Variants in BACH2 observed in about 807,000 individuals in gnomAD.
BACH2 encodes BACH transcriptional regulator 2.
Under a neutral mutation model 61.8 loss-of-function variants are expected in BACH2, and 5 were observed. The ratio of observed to expected loss-of-function variants is 0.08; its 90% CI spans 0.04 to 0.17. The LOEUF is 0.17. Among genes scored for constraint, BACH2 ranks in the 10% least tolerant of loss-of-function variants. The pLI is 1.00. For missense variants in BACH2, 824 were observed against 1,091.1 expected (o/e 0.76, Z 3.45); for synonymous variants, 446 against 440.1 (o/e 1.01, Z -0.17).
At chr6:90,121,550 A>T (rs207277) in intron 4 of BACH2, among the ~76,000 whole-genome samples, 80,492 of 152,020 alleles carry the variant, frequency 0.53, 21,955 homozygotes, top group African/African-American at 0.61. Context: ...TTAATTAATT[A>T]ATTTATTTTG....
intron 5 of BACH2, among the ~76,000 whole-genome samples, chr6:90,013,436 T>C (rs1048084721): frequency 6.6e-6 from 1 of 152,056 alleles, no homozygotes; most frequent in African/African-American, 2.4e-5. Flanking sequence ...GAAGTTTTAT[T>C]TCTTTCTCTC....
intron 1 of BACH2, among the ~76,000 whole-genome samples, chr6:90,286,767 T>C (rs1270044865): frequency 6.6e-6 from 1 of 152,058 alleles, no homozygotes; most frequent in African/African-American, 2.4e-5. Flanking sequence ...TGGCATAAAG[T>C]ATTGTTAGAA....
chr6:90,077,558 T>C (rs1005247522), intron 5 of BACH2, among the ~76,000 whole-genome samples: 21 of 152,092 alleles, frequency 1.4e-4, no homozygotes, highest in Admixed American at 1.0e-3. Context: ...AAAAATCTGA[T>C]GAGAATACTA....
chr6:90,286,229 G>C (rs1351722707), intron 1 of BACH2, among the ~76,000 whole-genome samples: 1 of 152,158 alleles, frequency 6.6e-6, no homozygotes, highest in Non-Finnish European at 1.5e-5. Flanking sequence ...CTGTTTTTCA[G>C]AGGGGACTTA....
At chr6:90,014,724 T>C (rs1479931670) in intron 5 of BACH2, among the ~76,000 whole-genome samples, 2 of 151,486 alleles carry the variant, frequency 1.3e-5, no homozygotes, top group Non-Finnish European at 2.9e-5. Flanking sequence ...CCACCCGCCT[T>C]GGCCTCGCAA....
At chr6:90,173,578 C>A (rs1767889187) in intron 4 of BACH2, among the ~76,000 whole-genome samples, 1 of 152,082 alleles carries the variant, frequency 6.6e-6, no homozygotes, top group African/African-American at 2.4e-5. Flanking sequence ...ACACAAAAGT[C>A]TACTTACTGT....
chr6:90,235,726 TGATG>T (rs1770239475), intron 3 of BACH2, among the ~76,000 whole-genome samples: 1 of 152,246 alleles, frequency 6.6e-6, no homozygotes. Flanking sequence ...TAATCCAGCT[TGATG>T]GACAATCCCT....
At chr6:90,296,141 A>G (rs1772367943) in intron 1 of BACH2, among the ~76,000 whole-genome samples, 1 of 151,862 alleles carries the variant, frequency 6.6e-6, no homozygotes, top group Non-Finnish European at 1.5e-5. Flanking sequence ...CCCATGCCTG[A>G]CTTATTACTC....
chr6:90,227,606 T>C (rs966142626), intron 3 of BACH2, among the ~76,000 whole-genome samples: 4 of 152,290 alleles, frequency 2.6e-5, no homozygotes, highest in South Asian at 2.1e-4. Flanking sequence ...AGCAGCAAGA[T>C]GTAGACAGAC....
chr6:90,001,043 C>T (rs116528744), intron 6 of BACH2, among the ~76,000 whole-genome samples: 221 of 152,296 alleles, frequency 1.5e-3, no homozygotes, highest in African/African-American at 4.9e-3. Flanking sequence ...GTGACATAGG[C>T]TAGGATCTCA....
intron 5 of BACH2, among the ~76,000 whole-genome samples, chr6:90,034,417 C>G (rs951517612): frequency 7.9e-5 from 12 of 152,224 alleles, no homozygotes; most frequent in African/African-American, 2.6e-4. Context: ...TTAATGAACT[C>G]AGCACACTGT....
At chr6:90,295,757 A>G (rs1226696152) in intron 1 of BACH2, among the ~76,000 whole-genome samples, 1 of 152,054 alleles carries the variant, frequency 6.6e-6, no homozygotes, top group Non-Finnish European at 1.5e-5. Context: ...TGGCGCCCTT[A>G]GGTCTTAGCT....
At position 89,930,012 on chromosome 6, in the gene BACH2, C is replaced by T. The variant is rs948313638; in HGVS notation, c.*2396G>A. 1.3e-5 allele frequency: 2 copies of T among 152,152 alleles called. No homozygotes were observed. The highest frequency in any genetic ancestry group is 4.8e-5 in the African/African-American group (2 of 41,414). 9.4% of individuals were successfully genotyped at this position (152,152 alleles called of 1,614,324 possible). On this transcript the variant is annotated 3_prime_UTR_variant, in exon 9 of 9. Transcript: ENST00000257749. ...GTCACCAGTTTTCCACAAAGGCAAA[C>T]CTCATGGTGAAGCACAGAACTGTCC...
At chr6:90,185,123 G>C (rs889591279) in intron 4 of BACH2, among the ~76,000 whole-genome samples, 1 of 152,204 alleles carries the variant, frequency 6.6e-6, no homozygotes, top group African/African-American at 2.4e-5. Context: ...TGTATGCATA[G>C]AGCCTGATAA....
At chr6:90,287,537 T>C (rs529392175) in intron 1 of BACH2, among the ~76,000 whole-genome samples, 178 of 152,222 alleles carry the variant, frequency 1.2e-3, no homozygotes, top group Non-Finnish European at 2.2e-3. Flanking sequence ...GAGGTTTATG[T>C]GATCAACTCC....
chr6:89,984,463 C>T (rs1017383408), intron 6 of BACH2, among the ~76,000 whole-genome samples: 1 of 151,858 alleles, frequency 6.6e-6, no homozygotes, highest in Non-Finnish European at 1.5e-5. Flanking sequence ...TGGACAGATG[C>T]TTAGGGAATC....
chr6:90,278,962 A>G lies in BACH2; in HGVS notation c.-445-7021T>C, dbSNP rs940496126. On this transcript the variant is annotated intron_variant, in intron 1 of 8. Transcript: ENST00000257749. ...CTAGTTAATCCTATATATGTAAAAC[A>G]TTATCATTTCAACATGTAATCAACA... 3.9e-5 allele frequency among the ~76,000 whole-genome samples: 6 copies of G among 152,344 alleles called. No individual in the cohort carries two copies. In the South Asian group the frequency reaches 8.3e-4, roughly 21 times the overall value.
At chr6:90,232,892 T>A (rs924462930) in intron 3 of BACH2, among the ~76,000 whole-genome samples, 16 of 152,198 alleles carry the variant, frequency 1.1e-4, no homozygotes, top group Non-Finnish European at 8.8e-5. Context: ...ACTTTTTTGT[T>A]GTCTGCTTTA....
At chr6:89,995,771 C>T (rs1034982417) in intron 6 of BACH2, among the ~76,000 whole-genome samples, 1 of 152,176 alleles carries the variant, frequency 6.6e-6, no homozygotes, top group Non-Finnish European at 1.5e-5. Flanking sequence ...TTAGCATCCC[C>T]TTGCAGGATC....
Sources: allele counts gnomAD v4.1 joint callset (sites outside exome capture counted in the v4.1 genomes callset), GRCh38; gene constraint gnomAD v4.1.1; transcripts MANE v1.5; gene names NCBI Gene and HGNC (gene_info 2026-07-23, HGNC 2026-07-21).